Variants in AHCYL2 observed in about 807,000 individuals in gnomAD.
AHCYL2 encodes the protein adenosylhomocysteinase like 2.
In AHCYL2, 28 loss-of-function variants were observed where a neutral mutation model predicts 81.4. The observed-to-expected ratio is 0.34, with a 90% CI of 0.25 to 0.47. AHCYL2 has a LOEUF of 0.47. Among genes scored for constraint, AHCYL2 ranks in the 20% least tolerant of loss-of-function variants. The pLI is 1.00. For missense variants in AHCYL2, 551 were observed against 785.1 expected, an observed-to-expected ratio of 0.70 and a Z score of 3.56; for synonymous variants, 272 against 290.2, an observed-to-expected ratio of 0.94 and a Z score of 0.64.
chr7:129,389,092 C>T lies in AHCYL2; in HGVS notation c.512C>T (p.Ser171Leu), dbSNP rs746525069. ...ACAGATAGCTCTGATGATGAGACAT[C>T]GCCCAGGGACAAGCAGCAAAAGAAC... ...SYTDSSDDET[S>L]PRDKQQKNSK... Residue 171 changes from serine to leucine, a missense_variant, in exon 3 of 17, where the codon TCG (serine) becomes TTG (leucine). Ser to Leu is a moderately radical substitution (Grantham distance 145). Coordinates refer to ENST00000325006, the MANE Select transcript of AHCYL2 (RefSeq NM_015328.4). 9 of 1,613,610 alleles carry T rather than the reference C, an allele frequency of 5.6e-6. No homozygotes were observed. The highest frequency in any genetic ancestry group is 1.7e-4 in the Middle Eastern group (1 of 6,060).
chr7:129,396,854 C>T (rs1795768213), intron 4 of AHCYL2, among the ~76,000 whole-genome samples: 1 of 152,166 alleles, frequency 6.6e-6, no homozygotes, highest in Non-Finnish European at 1.5e-5. Context: ...CTAGTAGCTA[C>T]CCAGCTTTTT....
At position 129,331,850 on chromosome 7, in the gene AHCYL2, A is replaced by T. The variant is rs192684794; in HGVS notation, c.364-47788A>T. Among the ~76,000 whole-genome samples the T allele has an allele frequency of 7.1e-3, 1,082 of 151,454 alleles. 15 individuals are homozygous for T. The highest frequency in any genetic ancestry group is 0.022 in the East Asian group (116 of 5,158). On this transcript the variant is annotated intron_variant, in intron 1 of 16. Coordinates refer to ENST00000325006, the MANE Select transcript of AHCYL2 (RefSeq NM_015328.4). ...GAGTGAGACTCCCTGTCAAAAAAAA[A>T]TTTTAATTTAATTAAAAAATATATA... is the stretch of plus-strand genomic sequence containing the variant.
At chr7:129,340,038 C>A (rs1231439038) in intron 1 of AHCYL2, among the ~76,000 whole-genome samples, 1 of 150,122 alleles carries the variant, frequency 6.7e-6, no homozygotes, top group Non-Finnish European at 1.5e-5. Context: ...TCTGCCTCAG[C>A]CTCCCTAGCA....
In AHCYL2 at chr7:129,261,579, T is replaced by C. The variant is rs574132252; in HGVS notation, c.363+36140T>C. On this transcript the variant is annotated intron_variant, in intron 1 of 16. Coordinates refer to ENST00000325006, the MANE Select transcript of AHCYL2 (RefSeq NM_015328.4). ...AATGAGGTTAGCATGATTGTTTTTC[T>C]TGGTGAACCCCATTCTGACTCACTG... Among the ~76,000 whole-genome samples the C allele has an allele frequency of 2.0e-5, 3 of 152,346 alleles. No homozygotes were observed. The East Asian group carries it at 5.8e-4, about 29-fold the overall frequency.
rs140199406 is a variant in AHCYL2, at chr7:129,334,404, A to G, written c.364-45234A>G. Among the ~76,000 whole-genome samples, 455 of 152,210 alleles carry G rather than the reference A, an allele frequency of 3.0e-3. 3 individuals carry two copies. The highest frequency in any genetic ancestry group is 0.01 in the African/African-American group (432 of 41,546). ...TCTTTCATGGTTACTTCCTGATCCT[A>G]TCTAATACACCAGCCTTCCTAACTC... On this transcript the variant is annotated intron_variant, in intron 1 of 16. Coordinates refer to ENST00000325006, the MANE Select transcript of AHCYL2 (RefSeq NM_015328.4).
At chr7:129,327,410 G>C (rs189931077) in intron 1 of AHCYL2, among the ~76,000 whole-genome samples, 133 of 152,294 alleles carry the variant, frequency 8.7e-4, no homozygotes, top group African/African-American at 3.0e-3. Context: ...AATCCACCTA[G>C]TCTGTGGTAT....
chr7:129,369,639 G>A (rs1472190276), intron 1 of AHCYL2, among the ~76,000 whole-genome samples: 5 of 144,032 alleles, frequency 3.5e-5, no homozygotes, highest in Admixed American at 7.4e-5. Flanking sequence ...TGCAACCTCC[G>A]CTTCCTGGGT....
chr7:129,290,001 C>T (rs959038865), intron 1 of AHCYL2, among the ~76,000 whole-genome samples: 4 of 151,844 alleles, frequency 2.6e-5, no homozygotes, highest in Admixed American at 6.6e-5. Flanking sequence ...AGGCTGGTCT[C>T]GAACTCTTGA....
At chr7:129,370,577 A>T (rs910587846) in intron 1 of AHCYL2, among the ~76,000 whole-genome samples, 1 of 152,210 alleles carries the variant, frequency 6.6e-6, no homozygotes, top group Non-Finnish European at 1.5e-5. Context: ...GGGCGCCTAT[A>T]GTCCCAGCTA....
chr7:129,403,358 T>C (rs929028385), intron 6 of AHCYL2, 21 bp from the exon 7 acceptor site: 8 of 1,541,774 alleles, frequency 5.2e-6, no homozygotes, highest in African/African-American at 1.4e-5. Context: ...TGAATGATGT[T>C]ATTGATGCTT....
At chr7:129,263,421 A>C (rs768844220) in intron 1 of AHCYL2, among the ~76,000 whole-genome samples, 4 of 152,226 alleles carry the variant, frequency 2.6e-5, no homozygotes, top group African/African-American at 9.6e-5. Context: ...CCAGTTGTCT[A>C]ATTCTCCACC....
At chr7:129,321,743 G>GTT in intron 1 of AHCYL2, among the ~76,000 whole-genome samples, 839 of 77,570 alleles carry the variant, frequency 0.011, 18 homozygotes, top group Non-Finnish European at 0.016. Context: ...TTCTTTCTTT[G>GTT]TTTTTTTTTT....
chr7:129,415,754 C>T (rs1248788813), intron 12 of AHCYL2, among the ~76,000 whole-genome samples: 10 of 151,972 alleles, frequency 6.6e-5, no homozygotes, highest in African/African-American at 2.2e-4. Context: ...AGTTCGAGAC[C>T]AGTCTAGGCA....
At chr7:129,248,593 A>T (rs1795140897) in intron 1 of AHCYL2, among the ~76,000 whole-genome samples, 1 of 149,098 alleles carries the variant, frequency 6.7e-6, no homozygotes, top group Non-Finnish European at 1.5e-5. Flanking sequence ...TGACTGTTGG[A>T]ATTGGGTAGT....
intron 1 of AHCYL2, among the ~76,000 whole-genome samples, chr7:129,267,309 G>C (rs1469465723): frequency 6.7e-6 from 1 of 148,434 alleles, no homozygotes; most frequent in African/African-American, 2.5e-5. Flanking sequence ...AGCCTTATTA[G>C]GTATTTTTTT....
Position 129,368,482 on chromosome 7 carries a change from C to T in AHCYL2, c.364-11156C>T, listed in dbSNP as rs757094681. 2 of 1,613,992 alleles carry T rather than the reference C, an allele frequency of 1.2e-6. No individual in the cohort carries two copies. The highest frequency in any genetic ancestry group is 1.7e-6 in the Non-Finnish European group (2 of 1,179,876). On this transcript the variant is annotated intron_variant, in intron 1 of 16. Coordinates refer to ENST00000325006, the MANE Select transcript of AHCYL2 (RefSeq NM_015328.4). This position sits in a 1 kb window ranked among gnomAD's most constrained non-coding sequence, Gnocchi z 4.4. Reference sequence around the variant, plus strand: ...CCTTTTGCTTCAGGACATATCTTACCCAAGCCTGCACTATGGAGAAGTGGG... The same window carrying T: ...CCTTTTGCTTCAGGACATATCTTACTCAAGCCTGCACTATGGAGAAGTGGG...
Position 129,367,202 on chromosome 7 carries a change from T to G in AHCYL2, c.364-12436T>G, listed in dbSNP as rs534064279. Among the ~76,000 whole-genome samples the G allele has an allele frequency of 8.5e-5, 13 of 152,272 alleles. No homozygotes were observed. The East Asian group carries it at 2.5e-3, about 29-fold the overall frequency. On this transcript the variant is annotated intron_variant, in intron 1 of 16. Transcript: ENST00000325006. ...TTTTGGGGGCCCAAGATGTTTTCCT[T>G]TCACAGAGCCTATAATCATAATTAT...
At chr7:129,364,539 C>G (rs1275755591) in intron 1 of AHCYL2, among the ~76,000 whole-genome samples, 2 of 152,244 alleles carry the variant, frequency 1.3e-5, no homozygotes, top group African/African-American at 4.8e-5. Flanking sequence ...GATCTGCCCA[C>G]CTCGGCCTCC....
intron 4 of AHCYL2, among the ~76,000 whole-genome samples, chr7:129,391,461 A>G (rs1795465731): frequency 6.6e-6 from 1 of 152,200 alleles, no homozygotes; most frequent in Admixed American, 6.5e-5. Flanking sequence ...TTGTTGAGAC[A>G]CTTTCAAAAT....
Sources: allele counts gnomAD v4.1 joint callset (sites outside exome capture counted in the v4.1 genomes callset), GRCh38; gene constraint gnomAD v4.1.1; non-coding constraint Gnocchi (gnomAD v3.1); transcripts MANE v1.5; gene names NCBI Gene and HGNC (gene_info 2026-07-23, HGNC 2026-07-21).